The following CSMD3 variants were observed in gnomAD, a reference collection of about 807,000 sequenced individuals.
CSMD3 encodes CUB and Sushi multiple domains 3.
CSMD3 carries 177 observed loss-of-function variants against 435.2 expected under a neutral mutation model. That is an observed-to-expected ratio of 0.41 (90% CI 0.36 to 0.46). CSMD3 has a LOEUF of 0.46. Ranked by LOEUF, CSMD3 falls within the 20% of genes least tolerant of loss-of-function variation. The probability of loss-of-function intolerance (pLI) is 0.34; values close to 1 mark genes in which losing one functional copy is unlikely to be tolerated. For synonymous variants in CSMD3, 1,656 were observed against 1,520.5 expected (o/e 1.09, Z -2.07); for missense variants, 4,265 against 4,504.6 (o/e 0.95, Z 1.52).
intron 13 of CSMD3, among the ~76,000 whole-genome samples, chr8:112,765,454 T>C (rs1218181781): frequency 6.6e-6 from 1 of 151,622 alleles, no homozygotes; most frequent in African/African-American, 2.4e-5. Context: ...TGAATTCTTT[T>C]ATTAAGTACC....
intron 4 of CSMD3, among the ~76,000 whole-genome samples, chr8:113,143,762 G>C (rs1358736308): frequency 6.6e-6 from 1 of 151,376 alleles, no homozygotes; most frequent in Non-Finnish European, 1.5e-5. Context: ...TTCTAGAACT[G>C]AATTGATTAG....
chr8:112,573,682 ATGTAAATG>A (rs781042515), intron 23 of CSMD3, 25 bp from the exon 24 acceptor site: 3 of 1,506,290 alleles, frequency 2.0e-6, no homozygotes, highest in Non-Finnish European at 2.8e-6. Context: ...TATAATTAAA[ATGTAAATG>A]TGCCAATAAT....
chr8:113,246,767 C>T (rs945982887), intron 3 of CSMD3, among the ~76,000 whole-genome samples: 2 of 152,074 alleles, frequency 1.3e-5, no homozygotes, highest in African/African-American at 4.8e-5. Context: ...TTTATTTGTT[C>T]AGTTTAATTC....
chr8:112,254,287 C>A lies in CSMD3; in HGVS notation c.10076G>T (p.Arg3359Leu). ...GAATGTATTGTTCTGAGATCCATGCCGAGGCACACCTGGGTTTTCACAAGA... is the reference window on the plus strand; with the variant it reads ...GAATGTATTGTTCTGAGATCCATGCAGAGGCACACCTGGGTTTTCACAAGA... ...QTSCENPGVP[R>L]HGSQNNTFGF... The change falls in exon 63 of 71, where the codon CGG (arginine) becomes CTG (leucine). Residue 3359 changes from arginine (R) to leucine (L), a missense_variant. Arg to Leu is a moderately radical substitution (Grantham distance 102). This residue lies in a region of CSMD3 where 3,255 missense variants were observed against 3,380.2 expected (regional missense o/e 0.96). Transcript: ENST00000297405. 6.2e-7 allele frequency: 1 copy of A among 1,612,494 alleles called. No individual in the cohort carries two copies. The highest frequency in any genetic ancestry group is 2.2e-5 in the East Asian group (1 of 44,760).
At chr8:113,269,091 G>T (rs867874857) in intron 3 of CSMD3, among the ~76,000 whole-genome samples, 12 of 151,896 alleles carry the variant, frequency 7.9e-5, no homozygotes, top group Admixed American at 2.0e-4. Context: ...ATATCAAAAA[G>T]ATTTTATTTA....
intron 3 of CSMD3, among the ~76,000 whole-genome samples, chr8:113,191,815 T>C (rs2092590072): frequency 6.6e-6 from 1 of 151,612 alleles, no homozygotes; most frequent in Admixed American, 6.6e-5. Context: ...TCTAAGTTCT[T>C]TGAGAACTCT....
intron 38 of CSMD3, among the ~76,000 whole-genome samples, chr8:112,362,003 T>C (rs1827288880): frequency 6.6e-6 from 1 of 151,934 alleles, no homozygotes; most frequent in African/African-American, 2.4e-5. Flanking sequence ...TAAAAAGATA[T>C]ACCAAAATTA....
At chr8:112,578,917 C>T (rs1830139260) in intron 23 of CSMD3, among the ~76,000 whole-genome samples, 3 of 151,918 alleles carry the variant, frequency 2.0e-5, no homozygotes, top group African/African-American at 4.8e-5. Flanking sequence ...AGGGAGGTGT[C>T]GAGCAATGTA....
intron 17 of CSMD3, among the ~76,000 whole-genome samples, chr8:112,658,718 G>T (rs1347392277): frequency 6.6e-6 from 1 of 152,134 alleles, no homozygotes; most frequent in African/African-American, 2.4e-5. Flanking sequence ...AGCACTTTGG[G>T]AGGCTGAGGT....
chr8:113,169,671 G>GT (rs2092231251), intron 4 of CSMD3, among the ~76,000 whole-genome samples: 7 of 152,116 alleles, frequency 4.6e-5, no homozygotes, highest in Admixed American at 4.6e-4. Flanking sequence ...AATTCTATTA[G>GT]TTTTTCCTGG....
intron 28 of CSMD3, among the ~76,000 whole-genome samples, chr8:112,508,080 C>T (rs1383265012): frequency 6.6e-6 from 1 of 152,114 alleles, no homozygotes; most frequent in Non-Finnish European, 1.5e-5. Flanking sequence ...CCCTCCTAAT[C>T]AAGATATCAC....
intron 9 of CSMD3, among the ~76,000 whole-genome samples, chr8:112,928,610 C>T (rs924060221): frequency 6.6e-6 from 1 of 150,750 alleles, no homozygotes; most frequent in African/African-American, 2.4e-5. Context: ...CTACAAAGGA[C>T]ATGAACTCAT....
chr8:112,634,459 T>C (rs1310329412), intron 22 of CSMD3, among the ~76,000 whole-genome samples: 1 of 152,140 alleles, frequency 6.6e-6, no homozygotes, highest in Non-Finnish European at 1.5e-5. Flanking sequence ...TTAAGGTCAA[T>C]TGAATTAATT....
chr8:112,463,744 A>C (rs73328642), intron 32 of CSMD3, among the ~76,000 whole-genome samples: 1 of 152,236 alleles, frequency 6.6e-6, no homozygotes, highest in African/African-American at 2.4e-5. Context: ...AGTTCAGAGA[A>C]ACAACTCTTA....
chr8:113,312,861 A>G (rs2093880305), intron 2 of CSMD3: 1 of 152,192 alleles, frequency 6.6e-6, no homozygotes, highest in Non-Finnish European at 1.5e-5. Flanking sequence ...TATGAGTTAC[A>G]ATGTAAAAGT....
chr8:113,268,370 G>A (rs987910133), intron 3 of CSMD3, among the ~76,000 whole-genome samples: 7 of 151,400 alleles, frequency 4.6e-5, no homozygotes, highest in Non-Finnish European at 8.9e-5. Flanking sequence ...TTACTCATTT[G>A]GCTCTTTATA....
chr8:113,062,236 G>A (rs927504743), intron 5 of CSMD3, among the ~76,000 whole-genome samples: 1 of 151,760 alleles, frequency 6.6e-6, no homozygotes, highest in Admixed American at 6.6e-5. Flanking sequence ...ATTTCATCAA[G>A]TTACATATAT....
chr8:113,156,934 AAGAGAGAG>A (rs58581247), intron 4 of CSMD3, among the ~76,000 whole-genome samples: 1 of 147,780 alleles, frequency 6.8e-6, no homozygotes, highest in South Asian at 2.1e-4. Context: ...TTTGTCTCAA[AAGAGAGAG>A]AGAGAGAGAG....
intron 38 of CSMD3, among the ~76,000 whole-genome samples, chr8:112,369,660 A>G (rs1326791075): frequency 6.6e-6 from 1 of 152,094 alleles, no homozygotes; most frequent in African/African-American, 2.4e-5. Context: ...GGAGCTGAAC[A>G]GTGAGAACAC....
Sources: gnomAD v4.1 joint callset for allele counts (sites outside exome capture counted in the v4.1 genomes callset) on GRCh38, gnomAD v4.1.1 for gene constraint, gnomAD v4.1.1 regional missense constraint, MANE v1.5 for transcripts, NCBI Gene and HGNC (gene_info 2026-07-23, HGNC 2026-07-21) for gene names.